Variants in BTD observed in about 807,000 individuals in gnomAD.
BTD encodes the protein biocytinase.
BTD carries 13 observed loss-of-function variants against 17.7 expected under a neutral mutation model. The observed-to-expected ratio is 0.74, with a 90% CI of 0.48 to 1.17. The LOEUF is 1.17. Among genes scored for constraint, BTD ranks in the 50% most tolerant of loss-of-function variants. The pLI, the probability that BTD is intolerant of heterozygous loss-of-function variation, is 0.00. For missense variants in BTD, 674 were observed against 650.4 expected, an observed-to-expected ratio of 1.04 and a Z score of -0.39; for synonymous variants, 240 against 245.2, an observed-to-expected ratio of 0.98 and a Z score of 0.20.
intron 1 of BTD, among the ~76,000 whole-genome samples, chr3:15,618,365 C>T (rs543159930): frequency 6.6e-6 from 1 of 152,294 alleles, no homozygotes; most frequent in Middle Eastern, 3.4e-3. Flanking sequence ...CAAGAACTGA[C>T]ATCTTAACGA....
At chr3:15,612,130 G>C (rs1393946441) in intron 1 of BTD, among the ~76,000 whole-genome samples, 1 of 151,734 alleles carries the variant, frequency 6.6e-6, no homozygotes, top group Non-Finnish European at 1.5e-5. Context: ...ACCACCTTTT[G>C]TTAGTTTTAC....
chr3:15,700,458 C>A (rs75359390), intron 3 of BTD, among the ~76,000 whole-genome samples: 5 of 146,784 alleles, frequency 3.4e-5, no homozygotes, highest in Admixed American at 6.7e-5. Flanking sequence ...AGTATAATGA[C>A]AAAAAAAAAA....
At chr3:15,684,164 G>C (rs1027891646) in intron 3 of BTD, 26 of 152,188 alleles carry the variant, frequency 1.7e-4, no homozygotes, top group African/African-American at 6.0e-4. Context: ...ATGTACTTGA[G>C]TTTTCTAAGA....
intron 1 of BTD, among the ~76,000 whole-genome samples, chr3:15,612,687 ATT>A (rs35402548): frequency 5.3e-4 from 75 of 141,044 alleles, no homozygotes; most frequent in African/African-American, 1.1e-3. Flanking sequence ...TACATCTTTA[ATT>A]TTTTTTTTTT....
chr3:15,687,673 A>G (rs955999251), intron 3 of BTD, among the ~76,000 whole-genome samples: 41 of 152,358 alleles, frequency 2.7e-4, no homozygotes, highest in African/African-American at 9.6e-4. Flanking sequence ...ACTAATAGTT[A>G]TTAAACTTGT....
In BTD at chr3:15,635,409, C is replaced by G; in HGVS notation, c.-16-15C>G. On this transcript the variant is annotated splice_polypyrimidine_tract_variant and intron_variant, in intron 1 of 3. Coordinates refer to ENST00000643237, the MANE Select transcript of BTD (RefSeq NM_001370658.1). The surrounding 1 kb of genome is among the most constrained non-coding windows in gnomAD (Gnocchi z 4.1). ...CTTTATTCAGCTGTTTTCCCCTTGC[C>G]CCATTACATTCCAGATTTGTGGTCT... 6.2e-7 allele frequency: 1 copy of G among 1,614,186 alleles called. No homozygotes were observed. The highest frequency in any genetic ancestry group is 8.5e-7 in the Non-Finnish European group (1 of 1,180,046).
At chr3:15,665,123 G>C (rs1334868348) in intron 3 of BTD, among the ~76,000 whole-genome samples, 1 of 152,080 alleles carries the variant, frequency 6.6e-6, no homozygotes, top group Non-Finnish European at 1.5e-5. Context: ...AGGGGAAAGG[G>C]GAATGAGACA....
At chr3:15,610,825 A>G (rs939786303) in intron 1 of BTD, among the ~76,000 whole-genome samples, 3 of 152,136 alleles carry the variant, frequency 2.0e-5, no homozygotes, top group African/African-American at 7.2e-5. Context: ...TTTTTAATGG[A>G]CAAGACTAAA....
intron 3 of BTD, among the ~76,000 whole-genome samples, chr3:15,702,274 G>A (rs563872900): frequency 5.7e-4 from 86 of 152,146 alleles, no homozygotes; most frequent in Non-Finnish European, 1.0e-3. Flanking sequence ...CACTTACAGT[G>A]GTAAGTTAAC....
chr3:15,622,745 A>G (rs1200453882), intron 1 of BTD, among the ~76,000 whole-genome samples: 2 of 92 alleles, frequency 0.022, no homozygotes, highest in Non-Finnish European at 0.048. Context: ...TGTTGGCACA[A>G]TGCACATTAA....
At chr3:15,720,668 G>T (rs951053301) in intron 4 of BTD, among the ~76,000 whole-genome samples, 1 of 151,950 alleles carries the variant, frequency 6.6e-6, no homozygotes, top group Non-Finnish European at 1.5e-5. Flanking sequence ...AATAATTGTT[G>T]TGATTTTTTT....
chr3:15,672,676 T>A (rs948826741), intron 3 of BTD, among the ~76,000 whole-genome samples: 1 of 152,222 alleles, frequency 6.6e-6, no homozygotes, highest in Non-Finnish European at 1.5e-5. Context: ...ACCCATTACA[T>A]AGGCCAGGAT....
chr3:15,718,741 C>T (rs2073365087), intron 4 of BTD, among the ~76,000 whole-genome samples: 1 of 152,168 alleles, frequency 6.6e-6, no homozygotes, highest in African/African-American at 2.4e-5. Context: ...ATAATACTAA[C>T]ACACAAAGAT....
At chr3:15,690,766 G>C (rs774211956) in intron 3 of BTD, among the ~76,000 whole-genome samples, 1 of 151,932 alleles carries the variant, frequency 6.6e-6, no homozygotes, top group Non-Finnish European at 1.5e-5. Flanking sequence ...TGAGGGTCTC[G>C]CTATGCTATC....
At chr3:15,704,872 G>C (rs952153324) in intron 3 of BTD, among the ~76,000 whole-genome samples, 5 of 152,130 alleles carry the variant, frequency 3.3e-5, no homozygotes, top group African/African-American at 7.2e-5. Flanking sequence ...GATGGCACTC[G>C]ACAGGCTCTC....
At chr3:15,634,069 G>T (rs2065282467) in intron 1 of BTD, among the ~76,000 whole-genome samples, 4 of 152,160 alleles carry the variant, frequency 2.6e-5, no homozygotes, top group South Asian at 4.1e-4. Context: ...ACCGGGTTGG[G>T]GTGGGAGAAT....
In BTD at chr3:15,649,033, T is replaced by A. The variant is rs1204991925; in HGVS notation, c.*3545T>A. On this transcript the variant is annotated 3_prime_UTR_variant, in exon 4 of 4. Transcript: ENST00000643237. ...GCTCTGCCAACACCTTGATTTTGGA[T>A]TTCCAGCTTCCACAACTATGAGACA... 6.6e-6 allele frequency among the ~76,000 whole-genome samples: 1 copy of A among 152,190 alleles called. No homozygotes were observed. The highest frequency in any genetic ancestry group is 1.5e-5 in the Non-Finnish European group (1 of 68,028).
intron 3 of BTD, among the ~76,000 whole-genome samples, chr3:15,675,619 A>G (rs1280997659): frequency 6.6e-6 from 1 of 152,210 alleles, no homozygotes; most frequent in Non-Finnish European, 1.5e-5. Context: ...TATTTGCTGA[A>G]AGAACAAAAT....
chr3:15,710,381 T>C (rs1490859638), exon 4 of BTD, among the ~76,000 whole-genome samples: 2 of 152,168 alleles, frequency 1.3e-5, no homozygotes. Context: ...CTCAAGTCTG[T>C]TGTCCCTCTC....
Sources: allele counts gnomAD v4.1 joint callset (sites outside exome capture counted in the v4.1 genomes callset), GRCh38; gene constraint gnomAD v4.1.1; non-coding constraint Gnocchi (gnomAD v3.1); transcripts MANE v1.5; gene names NCBI Gene and HGNC (gene_info 2026-07-23, HGNC 2026-07-21).